Variants in CNGB3 observed in about 807,000 individuals in gnomAD.
CNGB3 encodes the protein cyclic nucleotide gated channel subunit beta 3, also known as cyclic nucleotide-gated channel beta-3.
A neutral mutation model predicts 92.8 loss-of-function variants in CNGB3; 86 were observed. The ratio of observed to expected loss-of-function variants is 0.93; its 90% confidence interval spans 0.78 to 1.11. The LOEUF (loss-of-function observed/expected upper bound fraction) is 1.11, where lower values mean the gene tolerates loss of function less well. Ranked by LOEUF, CNGB3 falls within the 50% of genes least tolerant of loss-of-function variation. The pLI is 0.00. For synonymous variants in CNGB3, 333 were observed against 332.7 expected (o/e 1.00, Z -0.01); for missense variants, 1,026 against 956.8 (o/e 1.07, Z -0.95).
chr8:86,685,583 A>T (rs983684394), intron 3 of CNGB3, among the ~76,000 whole-genome samples: 4 of 152,126 alleles, frequency 2.6e-5, no homozygotes, highest in African/African-American at 9.7e-5. Context: ...AGCTGTGTCT[A>T]TATCACTAAC....
chr8:86,694,627 G>C (rs554058273), intron 3 of CNGB3, among the ~76,000 whole-genome samples: 1 of 151,412 alleles, frequency 6.6e-6, no homozygotes, highest in Non-Finnish European at 1.5e-5. Flanking sequence ...AGACAGGGTC[G>C]CGGCCGGGCA....
At chr8:86,720,837 TATACAC>T (rs1824957316) in intron 3 of CNGB3, among the ~76,000 whole-genome samples, 3 of 32,876 alleles carry the variant, frequency 9.1e-5, no homozygotes, top group East Asian at 2.6e-3. Context: ...TATATATATG[TATACAC>T]ACACACACAC....
intron 3 of CNGB3, among the ~76,000 whole-genome samples, chr8:86,674,936 C>T (rs1056413955): frequency 7.8e-6 from 1 of 128,234 alleles, no homozygotes; most frequent in African/African-American, 2.8e-5. Flanking sequence ...CTTTCTTTCT[C>T]TCTTTTTGTT....
intron 7 of CNGB3, among the ~76,000 whole-genome samples, chr8:86,652,881 A>C (rs187028167): frequency 2.6e-4 from 40 of 152,274 alleles, no homozygotes; most frequent in African/African-American, 8.2e-4. Context: ...TAAATACATA[A>C]GCTAGTAATA....
intron 13 of CNGB3, among the ~76,000 whole-genome samples, chr8:86,623,356 T>C (rs1038493125): frequency 6.6e-6 from 1 of 152,224 alleles, no homozygotes; most frequent in African/African-American, 2.4e-5. Context: ...TTATAAATAA[T>C]AGAAATTTAT....
chr8:86,667,672 T>C (rs1301959828), intron 5 of CNGB3, among the ~76,000 whole-genome samples: 1 of 152,172 alleles, frequency 6.6e-6, no homozygotes, highest in African/African-American at 2.4e-5. Flanking sequence ...ATTTGTTCAA[T>C]TAGAATAATC....
chr8:86,628,076 T>C (rs1822884035), intron 12 of CNGB3, among the ~76,000 whole-genome samples: 1 of 152,210 alleles, frequency 6.6e-6, no homozygotes, highest in Admixed American at 6.5e-5. Flanking sequence ...ATAATACAGA[T>C]AACATACAAA....
chr8:86,657,586 G>C (rs149733212), intron 6 of CNGB3: 4 of 423,688 alleles, frequency 9.4e-6, no homozygotes, highest in Non-Finnish European at 1.9e-5. Flanking sequence ...GGCTCATCTT[G>C]CAAAGATCAC....
chr8:86,706,737 T>A (rs1824659379), intron 3 of CNGB3, among the ~76,000 whole-genome samples: 1 of 152,328 alleles, frequency 6.6e-6, no homozygotes, highest in Middle Eastern at 3.4e-3. Flanking sequence ...CTGATTACAG[T>A]GCTTTCTCCA....
chr8:86,703,593 G>A (rs1824595943), intron 3 of CNGB3, among the ~76,000 whole-genome samples: 1 of 152,142 alleles, frequency 6.6e-6, no homozygotes, highest in Non-Finnish European at 1.5e-5. Flanking sequence ...TTCAAAGGCC[G>A]TTCTAAGCAG....
intron 3 of CNGB3, among the ~76,000 whole-genome samples, chr8:86,698,056 G>A (rs911800468): frequency 2.0e-5 from 3 of 152,128 alleles, no homozygotes; most frequent in African/African-American, 7.2e-5. Context: ...GGACATTTGG[G>A]AACCTTTTAT....
intron 15 of CNGB3, among the ~76,000 whole-genome samples, chr8:86,596,364 G>T (rs1416775896): frequency 1.3e-5 from 2 of 152,034 alleles, no homozygotes; most frequent in Admixed American, 6.6e-5. Flanking sequence ...CTACCTTTTG[G>T]CCTACTTATT....
Position 86,743,551 on chromosome 8 carries a change from C to T in CNGB3, c.77G>A (p.Arg26Gln), listed in dbSNP as rs972916386. Reference sequence around the variant, plus strand: ...ACTTGGGTGAGAGCCTTCTTCATTCCGACGAGAACTTTGTTCATTCTCATT... The same window carrying T: ...ACTTGGGTGAGAGCCTTCTTCATTCTGACGAGAACTTTGTTCATTCTCATT... ...ENNENEQSSR[R>Q]NEEGSHPSNQ... Residue 26 changes from arginine to glutamine, a missense_variant, in exon 1 of 18, where the codon CGG (arginine) becomes CAG (glutamine). Transcript: ENST00000320005. 1.9e-5 allele frequency: 30 copies of T among 1,613,868 alleles called. No individual in the cohort carries two copies. Among genetic ancestry groups the T allele is most frequent in the Admixed American group, 3.3e-5 (2 of 59,998 alleles).
intron 15 of CNGB3, among the ~76,000 whole-genome samples, chr8:86,580,125 A>G (rs1251812170): frequency 6.9e-6 from 1 of 144,736 alleles, no homozygotes; most frequent in Non-Finnish European, 1.5e-5. Context: ...ACAGAGAGCA[A>G]GGAAGTGCCA....
In CNGB3 at chr8:86,575,505, G is replaced by GCTAATTGTTCT. The variant is rs1821640698; in HGVS notation, c.*298_*299insAGAACAATTAG. Reference sequence around the variant, plus strand: ...AGCCAAGAGCAAGCTAATAAAACTGGAAGGAAGAGACATCATCAGGAAAGA... The same window carrying GCTAATTGTTCT: ...AGCCAAGAGCAAGCTAATAAAACTGGCTAATTGTTCTAAGGAAGAGACATCATCAGGAAAGA... On this transcript the variant is annotated 3_prime_UTR_variant, in exon 18 of 18. Coordinates refer to ENST00000320005, the MANE Select transcript of CNGB3 (RefSeq NM_019098.5). 1 of 276,942 alleles carries GCTAATTGTTCT rather than the reference G, an allele frequency of 3.6e-6. No homozygotes were observed. 17.2% of individuals were successfully genotyped at this position (276,942 alleles called of 1,614,324 possible).
intron 17 of CNGB3, 21 bp from the exon 18 acceptor site, chr8:86,576,151 G>T: frequency 1.3e-6 from 2 of 1,599,478 alleles, no homozygotes; most frequent in Non-Finnish European, 1.7e-6. Flanking sequence ...CAATTACAAA[G>T]AACTGGTGTT....
At chr8:86,622,530 T>C (rs1822760333) in intron 13 of CNGB3, among the ~76,000 whole-genome samples, 1 of 152,186 alleles carries the variant, frequency 6.6e-6, no homozygotes, top group Non-Finnish European at 1.5e-5. Context: ...AAAGTTCCCT[T>C]ATGCTTCTTC....
intron 1 of CNGB3, 83 bp downstream of exon 1, chr8:86,743,416 A>G: frequency 6.6e-7 from 1 of 1,514,874 alleles, no homozygotes; most frequent in Non-Finnish European, 9.2e-7. Flanking sequence ...CTAAACAATC[A>G]TATATCGTAG....
chr8:86,706,044 T>A (rs1210436428), intron 3 of CNGB3, among the ~76,000 whole-genome samples: 1 of 152,246 alleles, frequency 6.6e-6, no homozygotes, highest in African/African-American at 2.4e-5. Context: ...GTGTGGTAAT[T>A]TAATTGTAGT....
Sources: gnomAD v4.1 joint callset for allele counts (sites outside exome capture counted in the v4.1 genomes callset) on GRCh38, gnomAD v4.1.1 for gene constraint, MANE v1.5 for transcripts, NCBI Gene and HGNC (gene_info 2026-07-23, HGNC 2026-07-21) for gene names.